The following KLHL1 variants were observed in gnomAD, a reference collection of about 807,000 sequenced individuals.
The protein encoded by KLHL1 is kelch like family member 1, also known as kelch-like protein 1.
A neutral mutation model predicts 77.7 loss-of-function variants in KLHL1; 47 were observed. The ratio of observed to expected loss-of-function variants is 0.60; its 90% CI spans 0.48 to 0.77. The LOEUF (loss-of-function observed/expected upper bound fraction) is 0.77. KLHL1 is among the 30% of genes least tolerant of loss of function. The pLI, the probability that KLHL1 is intolerant of heterozygous loss-of-function variation, is 0.00. For missense variants in KLHL1, 925 were observed against 910.8 expected, an observed-to-expected ratio of 1.02 and a Z score of -0.20; for synonymous variants, 360 against 325.2, an observed-to-expected ratio of 1.11 and a Z score of -1.15.
intron 4 of KLHL1, among the ~76,000 whole-genome samples, chr13:69,920,619 A>T (rs1033475241): frequency 1.3e-5 from 2 of 152,080 alleles, no homozygotes; most frequent in Admixed American, 1.3e-4. Flanking sequence ...GTCCTTAGAA[A>T]CTGTTGGACT....
chr13:69,761,100 G>A (rs1874999698), intron 7 of KLHL1, among the ~76,000 whole-genome samples: 1 of 152,136 alleles, frequency 6.6e-6, no homozygotes, highest in East Asian at 1.9e-4. Flanking sequence ...TCTGTTAAAA[G>A]AAAACCTTAA....
chr13:70,024,583 C>T (rs1275931588), intron 1 of KLHL1, among the ~76,000 whole-genome samples: 1 of 131,840 alleles, frequency 7.6e-6, no homozygotes, highest in Non-Finnish European at 1.7e-5. Flanking sequence ...CCCAATGCCC[C>T]ATTGCAAGAT....
intron 4 of KLHL1, among the ~76,000 whole-genome samples, chr13:69,905,965 C>T (rs1882034126): frequency 6.6e-6 from 1 of 152,032 alleles, no homozygotes; most frequent in Non-Finnish European, 1.5e-5. Context: ...GATCATTTAA[C>T]ATGATGACCA....
intron 1 of KLHL1, among the ~76,000 whole-genome samples, chr13:70,055,665 G>A (rs1012710281): frequency 2.0e-5 from 3 of 152,048 alleles, no homozygotes; most frequent in Non-Finnish European, 4.4e-5. Context: ...TTTAAAAAGT[G>A]GCGAGTATGT....
chr13:70,075,569 G>GTGTATATA lies in KLHL1; in HGVS notation c.497+31633_497+31634insTATATACA, dbSNP rs761519216. 5.3e-3 allele frequency among the ~76,000 whole-genome samples: 569 copies of GTGTATATA among 106,644 alleles called. 7 individuals carry two copies. Among genetic ancestry groups the GTGTATATA allele is most frequent in the African/African-American group, 0.019 (506 of 27,318 alleles). The allele number at this position is 106,644 out of a possible 152,430, so 70.0% of individuals were successfully genotyped here. ...TATATATACCTGTGTGTGTGTATGTGTATATATATATATATATATACACAC... is the reference window on the plus strand; with the variant it reads ...TATATATACCTGTGTGTGTGTATGTGTGTATATATATATATATATATATATATACACAC... On this transcript the variant is annotated intron_variant, in intron 1 of 10. Coordinates refer to ENST00000377844, the MANE Select transcript of KLHL1 (RefSeq NM_020866.3).
chr13:69,796,401 T>G (rs1202958486), intron 7 of KLHL1, among the ~76,000 whole-genome samples: 2 of 152,008 alleles, frequency 1.3e-5, no homozygotes, highest in Non-Finnish European at 1.5e-5. Context: ...GGTAATGAGG[T>G]CTTGTTCTAT....
At chr13:69,842,932 G>T (rs1245958090) in intron 5 of KLHL1, among the ~76,000 whole-genome samples, 3 of 151,594 alleles carry the variant, frequency 2.0e-5, no homozygotes, top group Admixed American at 6.6e-5. Flanking sequence ...AAATAAGCCA[G>T]GCACTAAAAG....
At chr13:69,991,697 C>G (rs868292307) in intron 1 of KLHL1, among the ~76,000 whole-genome samples, 54 of 151,390 alleles carry the variant, frequency 3.6e-4, no homozygotes, top group African/African-American at 1.2e-3. Context: ...AGCCTGGGAC[C>G]AGATGGATTC....
chr13:69,815,724 C>A (rs545041088), intron 6 of KLHL1, among the ~76,000 whole-genome samples: 6 of 151,944 alleles, frequency 3.9e-5, no homozygotes, highest in African/African-American at 1.4e-4. Context: ...TTAAAAAAGC[C>A]GTAAATGAAC....
chr13:69,953,712 C>A (rs1883783324), intron 3 of KLHL1, among the ~76,000 whole-genome samples: 1 of 150,920 alleles, frequency 6.6e-6, no homozygotes, highest in Non-Finnish European at 1.5e-5. Context: ...TACATGTATA[C>A]CAAATCATAC....
intron 6 of KLHL1, among the ~76,000 whole-genome samples, chr13:69,809,978 T>G (rs1363428703): frequency 6.6e-6 from 1 of 152,032 alleles, no homozygotes; most frequent in East Asian, 1.9e-4. Flanking sequence ...AGGGTTCAAT[T>G]TAAGGAGAAG....
In KLHL1 at chr13:70,107,878, C is replaced by T. The variant is rs1888114813; in HGVS notation, c.-179G>A. 5.5e-6 allele frequency: 3 copies of T among 545,360 alleles called. No individual in the cohort carries two copies. Among genetic ancestry groups the T allele is most frequent in the East Asian group, 3.0e-5 (1 of 32,970 alleles). 33.8% of individuals were successfully genotyped at this position (545,360 alleles called of 1,614,324 possible). On this transcript the variant is annotated 5_prime_UTR_variant, in exon 1 of 11. Transcript: ENST00000377844. ...TGCCAGGCGAAGGCTGGAGCGCAGA[C>T]GGCAAAGCCGCGCGTTTCAGCCGTG...
chr13:69,887,895 T>G (rs576884632), intron 4 of KLHL1, among the ~76,000 whole-genome samples: 1 of 152,350 alleles, frequency 6.6e-6, no homozygotes, highest in African/African-American at 2.4e-5. Context: ...ATTCATTATG[T>G]AGTTCCAAAG....
At chr13:69,932,780 C>T (rs1883041938) in intron 4 of KLHL1, among the ~76,000 whole-genome samples, 1 of 151,680 alleles carries the variant, frequency 6.6e-6, no homozygotes, top group Non-Finnish European at 1.5e-5. Context: ...CAAAAATATG[C>T]AAATAAGGAC....
chr13:69,947,309 G>A (rs932207971), intron 3 of KLHL1, among the ~76,000 whole-genome samples: 14 of 151,906 alleles, frequency 9.2e-5, no homozygotes, highest in African/African-American at 3.1e-4. Context: ...CAGGCAAATG[G>A]TGTATAATTG....
At chr13:69,765,543 A>G (rs745788427) in intron 7 of KLHL1, among the ~76,000 whole-genome samples, 31 of 152,174 alleles carry the variant, frequency 2.0e-4, no homozygotes, top group Admixed American at 6.5e-5. Context: ...TTTAATTCCT[A>G]CAATGTCCGT....
At chr13:70,096,051 C>G (rs1593740404) in intron 1 of KLHL1, among the ~76,000 whole-genome samples, 1 of 150,868 alleles carries the variant, frequency 6.6e-6, no homozygotes, top group Non-Finnish European at 1.5e-5. Flanking sequence ...CCAAATAATG[C>G]TTTATTGCAT....
At chr13:69,784,501 A>C (rs1431270234) in intron 7 of KLHL1, among the ~76,000 whole-genome samples, 2 of 152,152 alleles carry the variant, frequency 1.3e-5, no homozygotes, top group Non-Finnish European at 2.9e-5. Flanking sequence ...TCTACCAAGC[A>C]AATGGAAAAC....
At chr13:69,770,164 A>C (rs142378365) in intron 7 of KLHL1, among the ~76,000 whole-genome samples, 147 of 152,254 alleles carry the variant, frequency 9.7e-4, no homozygotes, top group African/African-American at 3.4e-3. Flanking sequence ...GTTTTTAGGC[A>C]CCACTGCATT....
Sources: allele counts gnomAD v4.1 joint callset (sites outside exome capture counted in the v4.1 genomes callset), GRCh38; gene constraint gnomAD v4.1.1; transcripts MANE v1.5; gene names NCBI Gene and HGNC (gene_info 2026-07-23, HGNC 2026-07-21).